NLGN4X: variants seen among roughly 807,000 people sequenced by gnomAD.
NLGN4X encodes neuroligin-4, X-linked.
Under a neutral mutation model 40.3 loss-of-function variants are expected in NLGN4X, and 3 were observed. The observed-to-expected ratio is 0.07, with a 90% confidence interval of 0.03 to 0.19. The LOEUF is 0.19. Among genes scored for constraint, NLGN4X ranks in the 10% least tolerant of loss-of-function variants. The pLI, the probability that NLGN4X is intolerant of heterozygous loss-of-function variation, is 1.00. For missense variants in NLGN4X, 382 were observed against 708.3 expected, an observed-to-expected ratio of 0.54 and a Z score of 5.23; for synonymous variants, 270 against 306.8, an observed-to-expected ratio of 0.88 and a Z score of 1.25.
chrX:6,038,319 T>C (rs1011192308), intron 2 of NLGN4X, among the ~76,000 whole-genome samples: 2 of 112,158 alleles, frequency 1.8e-5, no homozygotes, highest in East Asian at 2.8e-4. Flanking sequence ...AGAAAGGACA[T>C]GAATAGCCCC....
intron 2 of NLGN4X, among the ~76,000 whole-genome samples, chrX:6,127,736 T>G (rs915651318): frequency 3.6e-5 from 4 of 112,675 alleles, no homozygotes; most frequent in Non-Finnish European, 7.5e-5. Flanking sequence ...GATTAAAAAC[T>G]GTCTGTATGA....
At chrX:6,032,702 C>T in intron 2 of NLGN4X, 1 of 1,191,124 alleles carries the variant, frequency 8.4e-7, no homozygotes, top group Non-Finnish European at 1.1e-6. Context: ...TTCGTCTTCA[C>T]CACGGTCATT....
At chrX:6,117,485 T>C (rs1230312878) in intron 2 of NLGN4X, among the ~76,000 whole-genome samples, 2 of 111,104 alleles carry the variant, frequency 1.8e-5, no homozygotes, top group African/African-American at 6.6e-5. Context: ...CAACGTCCCA[T>C]CTGTTAACCT....
chrX:6,114,168 T>A (rs2039217936), intron 2 of NLGN4X, among the ~76,000 whole-genome samples: 1 of 111,493 alleles, frequency 9.0e-6, no homozygotes, highest in African/African-American at 3.3e-5. Context: ...ATTTCTATAT[T>A]CTCTGGGTTT....
chrX:6,151,054 T>G lies in NLGN4X; in HGVS notation c.413A>C (p.Tyr138Ser). ...FTANLDTLMT[Y>S]VQDQNEDCLY... is the part of the protein sequence containing the mutation. ...GCAGTCTTCATTTTGATCTTGAACATAGGTCATCAAAGTATCCAAATTGGC... is the reference window on the plus strand; with the variant it reads ...GCAGTCTTCATTTTGATCTTGAACAGAGGTCATCAAAGTATCCAAATTGGC... The change falls in exon 2 of 6, where the codon TAT becomes TCT. Residue 138 changes from tyrosine (Y) to serine (S), a missense_variant. By Grantham distance (144) the Tyr-to-Ser change is moderately radical. Coordinates refer to ENST00000381095, the MANE Select transcript of NLGN4X (RefSeq NM_181332.3). 8.3e-7 allele frequency: 1 copy of G among 1,211,958 alleles called. No homozygotes were observed. The highest frequency in any genetic ancestry group is 1.7e-5 in the African/African-American group (1 of 57,859).
chrX:6,032,215 T>G (rs2036878664), intron 2 of NLGN4X, among the ~76,000 whole-genome samples: 1 of 58,896 alleles, frequency 1.7e-5, no homozygotes, highest in Admixed American at 2.9e-4. Flanking sequence ...AAAAAAAAAC[T>G]GATATTTCAG....
rs769685941 is a variant in NLGN4X, at chrX:5,942,862, G to A, written c.626-33623C>T. Among the ~76,000 whole-genome samples the A allele has an allele frequency of 8.1e-5, 9 of 111,164 alleles. No individual in the cohort carries two copies. The East Asian group carries it at 1.4e-3, about 18-fold the overall frequency. ...GGCCTGTCCACCAACCTTAAGATTA[G>A]TTTATAGACAGGAATGTGGTAAGCA... On this transcript the variant is annotated intron_variant, in intron 3 of 5. Coordinates refer to ENST00000381095, the MANE Select transcript of NLGN4X (RefSeq NM_181332.3).
At chrX:5,909,987 A>T (rs1312124869) in intron 3 of NLGN4X, among the ~76,000 whole-genome samples, 1 of 111,957 alleles carries the variant, frequency 8.9e-6, no homozygotes, top group Admixed American at 9.5e-5. Flanking sequence ...GGATTCTGTG[A>T]GTTGAGGATC....
At chrX:6,218,286 G>A (rs992891050) in intron 1 of NLGN4X, among the ~76,000 whole-genome samples, 6 of 111,462 alleles carry the variant, frequency 5.4e-5, no homozygotes, top group Non-Finnish European at 9.4e-5. Context: ...TGTAGTAGTC[G>A]GTCTGTTGAA....
intron 5 of NLGN4X, among the ~76,000 whole-genome samples, chrX:5,898,331 C>T (rs1262509872): frequency 3.0e-5 from 3 of 99,377 alleles, no homozygotes; most frequent in Non-Finnish European, 4.1e-5. Flanking sequence ...TCCCTCCCTT[C>T]GTTCCTTTGT....
At chrX:6,047,023 T>C (rs973454221) in intron 2 of NLGN4X, among the ~76,000 whole-genome samples, 17 of 108,918 alleles carry the variant, frequency 1.6e-4, no homozygotes, top group African/African-American at 4.0e-4. Flanking sequence ...AATAGAATCA[T>C]TTAGGATATA....
At chrX:6,050,776 CATCTATCT>C (rs60281598) in intron 2 of NLGN4X, among the ~76,000 whole-genome samples, 9 of 103,400 alleles carry the variant, frequency 8.7e-5, no homozygotes, top group South Asian at 9.3e-4. Flanking sequence ...TCTGTCTGTC[CATCTATCT>C]ATCTATCTAT....
chrX:6,041,272 T>G (rs2037149693), intron 2 of NLGN4X, among the ~76,000 whole-genome samples: 1 of 111,659 alleles, frequency 9.0e-6, no homozygotes, highest in South Asian at 3.8e-4. Context: ...ACAGCCCAGA[T>G]GTCCAGCCAA....
chrX:6,062,561 G>T (rs2080714823), intron 2 of NLGN4X, among the ~76,000 whole-genome samples: 1 of 111,311 alleles, frequency 9.0e-6, no homozygotes, highest in Non-Finnish European at 1.9e-5. Context: ...CTAGAAATGT[G>T]GATCTTACTG....
At chrX:6,188,294 C>T (rs147281306) in intron 1 of NLGN4X, among the ~76,000 whole-genome samples, 165 of 111,821 alleles carry the variant, frequency 1.5e-3, no homozygotes, top group African/African-American at 4.8e-3. Flanking sequence ...TTTTAATTTC[C>T]GAGAAGACGA....
At chrX:5,902,840 T>C (rs2031948494) in intron 5 of NLGN4X, among the ~76,000 whole-genome samples, 1 of 112,739 alleles carries the variant, frequency 8.9e-6, no homozygotes, top group Non-Finnish European at 1.9e-5. Flanking sequence ...CAGTTAAGTG[T>C]TTTACTCCTA....
At position 6,116,603 on chromosome X, in the gene NLGN4X, T is replaced by G. The variant is rs9697959; in HGVS notation, c.472+34392A>C. 1.6e-3 allele frequency among the ~76,000 whole-genome samples: 118 copies of G among 73,942 alleles called. 1 individual carries two copies. The highest frequency in any genetic ancestry group is 5.9e-3 in the African/African-American group (105 of 17,859). The allele number at this position is 73,942 out of a possible 115,157, so 64.2% of individuals were successfully genotyped here. A position where few individuals can be genotyped will look rare whatever the true frequency, so the allele number is the denominator to read the frequency against. On this transcript the variant is annotated intron_variant, in intron 2 of 5. Coordinates refer to ENST00000381095, the MANE Select transcript of NLGN4X (RefSeq NM_181332.3). ...GCCTCCCAGGTTCAAGTGATTCTTC[T>G]ACCTCAGCCCCCGCCTCCCAGGTTC...
intron 2 of NLGN4X, among the ~76,000 whole-genome samples, chrX:6,054,492 T>G (rs1015181999): frequency 6.3e-5 from 7 of 110,396 alleles, no homozygotes; most frequent in Admixed American, 3.9e-4. Context: ...TAGTGGTGCA[T>G]GCCTGTCAAC....
chrX:6,020,083 G>A (rs1715769007), intron 3 of NLGN4X, among the ~76,000 whole-genome samples: 2 of 111,464 alleles, frequency 1.8e-5, no homozygotes, highest in South Asian at 7.5e-4. Flanking sequence ...CATGACAGAT[G>A]CCAGATGATA....
Sources: allele counts gnomAD v4.1 joint callset (sites outside exome capture counted in the v4.1 genomes callset), GRCh38; gene constraint gnomAD v4.1.1; transcripts MANE v1.5; gene names NCBI Gene and HGNC (gene_info 2026-07-23, HGNC 2026-07-21).